The following RBFOX3 variants were observed in gnomAD, a reference collection of about 807,000 sequenced individuals.
RBFOX3 encodes RNA binding protein fox-1 homolog 3.
In RBFOX3, 17 loss-of-function variants were observed where a neutral mutation model predicts 48.7. The ratio of observed to expected loss-of-function variants is 0.35; its 90% CI spans 0.24 to 0.52. The LOEUF is 0.52. Among genes scored for constraint, RBFOX3 ranks in the 20% least tolerant of loss-of-function variants. RBFOX3 has a pLI of 0.94. For missense variants in RBFOX3, 382 were observed against 497.5 expected (o/e 0.77, Z 2.21); for synonymous variants, 212 against 209.5 (o/e 1.01, Z -0.10).
At chr17:79,108,255 A>T (rs1649921871) in intron 5 of RBFOX3, among the ~76,000 whole-genome samples, 1 of 152,152 alleles carries the variant, frequency 6.6e-6, no homozygotes, top group South Asian at 2.1e-4. Flanking sequence ...CGTAGAGGAG[A>T]CTGGGGTCCC....
At chr17:79,124,088 A>C (rs1174861542) in intron 4 of RBFOX3, among the ~76,000 whole-genome samples, 2 of 152,228 alleles carry the variant, frequency 1.3e-5, no homozygotes, top group Non-Finnish European at 2.9e-5. Flanking sequence ...CGGCTGGCTC[A>C]TCCCAGCATG....
intron 4 of RBFOX3, among the ~76,000 whole-genome samples, chr17:79,171,498 G>C (rs775026492): frequency 2.6e-5 from 4 of 152,158 alleles, no homozygotes; most frequent in Non-Finnish European, 4.4e-5. Context: ...AAATGAGCGT[G>C]GCTGTGTTCC....
intron 2 of RBFOX3, among the ~76,000 whole-genome samples, chr17:79,353,195 C>A (rs1463382336): frequency 6.6e-6 from 1 of 152,218 alleles, no homozygotes; most frequent in East Asian, 1.9e-4. Flanking sequence ...TCACCAGGGC[C>A]TCTGCGGCTG....
At chr17:79,463,697 A>ACC (rs1555751398) in intron 2 of RBFOX3, among the ~76,000 whole-genome samples, 2 of 135,202 alleles carry the variant, frequency 1.5e-5, no homozygotes, top group East Asian at 2.2e-4. Context: ...TGCCACTGCC[A>ACC]TCACCACTGC....
At chr17:79,633,161 G>A in the RBFOX3 span, among the ~76,000 whole-genome samples, 31 of 152,314 alleles carry the variant, frequency 2.0e-4, no homozygotes, top group African/African-American at 4.3e-4. Flanking sequence ...TCCAGAGTCC[G>A]GGGCTCGGTT....
intron 2 of RBFOX3, among the ~76,000 whole-genome samples, chr17:79,419,511 G>A (rs916411762): frequency 8.5e-5 from 13 of 152,194 alleles, no homozygotes; most frequent in African/African-American, 2.4e-4. Flanking sequence ...ACACACACGT[G>A]TGCACAAAAT....
intron 2 of RBFOX3, among the ~76,000 whole-genome samples, chr17:79,427,081 G>T (rs868989048): frequency 6.6e-6 from 1 of 152,156 alleles, no homozygotes; most frequent in East Asian, 1.9e-4. Flanking sequence ...CTCAGTTCCC[G>T]CCAATCCCGA....
chr17:79,371,766 T>G (rs1330741922), intron 2 of RBFOX3, among the ~76,000 whole-genome samples: 1 of 152,242 alleles, frequency 6.6e-6, no homozygotes, highest in East Asian at 1.9e-4. Context: ...GACTGGGGCT[T>G]GGGGTCACCC....
Position 79,155,374 on chromosome 17 carries a change from C to T in RBFOX3, c.-33-39626G>A, listed in dbSNP as rs557743850. Among the ~76,000 whole-genome samples, 61 of 152,286 alleles carry T rather than the reference C, an allele frequency of 4.0e-4. No homozygotes were observed. In the South Asian group the frequency reaches 0.012, roughly 29 times the overall value. On this transcript the variant is annotated intron_variant, in intron 4 of 14. Transcript: ENST00000693108. Reference sequence around the variant, plus strand: ...CTCAACAGTGGAGCTGGGCACTGCCCGCTCTCGGGCAGGAAGCCAGTGGGC... The same window carrying T: ...CTCAACAGTGGAGCTGGGCACTGCCTGCTCTCGGGCAGGAAGCCAGTGGGC...
intron 2 of RBFOX3, among the ~76,000 whole-genome samples, chr17:79,354,471 G>A (rs8075498): frequency 0.029 from 4,473 of 152,300 alleles, 245 homozygotes; most frequent in African/African-American, 0.1. Flanking sequence ...CCCAGCCCCC[G>A]GCATCTACAG....
chr17:79,342,741 C>T (rs531313117), intron 2 of RBFOX3, among the ~76,000 whole-genome samples: 1 of 152,162 alleles, frequency 6.6e-6, no homozygotes, highest in East Asian at 1.9e-4. Context: ...GGGGGAAAAT[C>T]CCAATAAATT....
intron 1 of RBFOX3, among the ~76,000 whole-genome samples, chr17:79,593,981 C>T (rs893715083): frequency 1.7e-4 from 26 of 152,136 alleles, no homozygotes; most frequent in African/African-American, 5.6e-4. Flanking sequence ...CGCTCTCCTC[C>T]CTCTTCCTGA....
At chr17:79,566,777 C>T (rs2092470237) in intron 1 of RBFOX3, among the ~76,000 whole-genome samples, 1 of 152,224 alleles carries the variant, frequency 6.6e-6, no homozygotes, top group African/African-American at 2.4e-5. Flanking sequence ...GTGGGACATC[C>T]AGCACCTTCA....
At chr17:79,201,396 G>A (rs2056735991) in intron 4 of RBFOX3, among the ~76,000 whole-genome samples, 1 of 152,192 alleles carries the variant, frequency 6.6e-6, no homozygotes. Context: ...GGCAGTGGCA[G>A]ACTGTCTGCC....
intron 5 of RBFOX3, among the ~76,000 whole-genome samples, chr17:79,112,251 G>A (rs941872418): frequency 1.3e-5 from 2 of 152,340 alleles, no homozygotes; most frequent in Admixed American, 6.5e-5. Context: ...CTCAGTGTCG[G>A]TGAGGGACCG....
intron 1 of RBFOX3, among the ~76,000 whole-genome samples, chr17:79,579,719 G>GA (rs1369457176): frequency 6.9e-6 from 1 of 144,794 alleles, no homozygotes; most frequent in Non-Finnish European, 1.6e-5. Context: ...CCATGGTGGG[G>GA]AGTCACTGGC....
At chr17:79,570,397 T>C (rs1398142820) in intron 1 of RBFOX3, among the ~76,000 whole-genome samples, 3 of 151,476 alleles carry the variant, frequency 2.0e-5, no homozygotes, top group Admixed American at 2.0e-4. Flanking sequence ...GGATGGTAGA[T>C]AGAAGATAGA....
At chr17:79,417,347 G>A (rs884652) in intron 2 of RBFOX3, among the ~76,000 whole-genome samples, 1 of 152,118 alleles carries the variant, frequency 6.6e-6, no homozygotes, top group Non-Finnish European at 1.5e-5. Flanking sequence ...GCCTGGCTCT[G>A]CAGTTCTTGA....
In RBFOX3 at chr17:79,361,880, CTTTA is replaced by C. The variant is rs929123995; in HGVS notation, c.-174-54060_-174-54057del. Among the ~76,000 whole-genome samples, 4 of 152,124 alleles carry C rather than the reference CTTTA, an allele frequency of 2.6e-5. No homozygotes were observed. Among genetic ancestry groups the C allele is most frequent in the Admixed American group, 6.5e-5 (1 of 15,280 alleles). On this transcript the variant is annotated intron_variant, in intron 2 of 14. Coordinates refer to ENST00000693108, the MANE Select transcript of RBFOX3 (RefSeq NM_001350451.2). This position sits in a 1 kb window ranked among gnomAD's most constrained non-coding sequence, Gnocchi z 4.5. ...AAGGCATAGGCAGATTTCTCTGTTT[CTTTA>C]TTTGTTCATTAAAACTTCAATAAAA...
Sources: allele counts gnomAD v4.1 joint callset (sites outside exome capture counted in the v4.1 genomes callset), GRCh38; gene constraint gnomAD v4.1.1; non-coding constraint Gnocchi (gnomAD v3.1); transcripts MANE v1.5; gene names NCBI Gene and HGNC (gene_info 2026-07-23, HGNC 2026-07-21).